MAPK10: variants seen among roughly 807,000 people sequenced by gnomAD.
The protein encoded by MAPK10 is JNK3 alpha protein kinase.
Under a neutral mutation model 59.3 loss-of-function variants are expected in MAPK10, and 25 were observed. That is an observed-to-expected ratio of 0.42 (90% CI 0.31 to 0.59). MAPK10 has a LOEUF of 0.59. MAPK10 is among the 20% of genes least tolerant of loss of function. The probability of loss-of-function intolerance (pLI) is 0.15; values close to 1 mark genes in which losing one functional copy is unlikely to be tolerated. For synonymous variants in MAPK10, 190 were observed against 200.5 expected, an observed-to-expected ratio of 0.95 and a Z score of 0.44; for missense variants, 351 against 568.9, an observed-to-expected ratio of 0.62 and a Z score of 3.90.
chr4:86,264,383 C>T (rs1281676485), intron 2 of MAPK10, among the ~76,000 whole-genome samples: 1 of 152,194 alleles, frequency 6.6e-6, no homozygotes, highest in Non-Finnish European at 1.5e-5. Context: ...TTTCACACCA[C>T]CCAAGAACAA....
intron 1 of MAPK10, among the ~76,000 whole-genome samples, chr4:86,377,870 A>G (rs35257599): frequency 0.7 from 106,374 of 151,896 alleles, 38,728 homozygotes; most frequent in South Asian, 0.9. Flanking sequence ...CACAAGAGAA[A>G]GATACAGGAT....
chr4:86,526,483 T>C (rs147064363), intron 1 of MAPK10, among the ~76,000 whole-genome samples: 39 of 152,306 alleles, frequency 2.6e-4, no homozygotes, highest in African/African-American at 9.1e-4. Flanking sequence ...TAATTAGTGG[T>C]CTATTGATTC....
At chr4:86,503,272 T>C (rs1755466398) in intron 1 of MAPK10, among the ~76,000 whole-genome samples, 1 of 152,138 alleles carries the variant, frequency 6.6e-6, no homozygotes, top group African/African-American at 2.4e-5. Flanking sequence ...GTTGCCTAGT[T>C]CTTCCAGTTC....
At chr4:86,145,567 C>T (rs538947285) in intron 4 of MAPK10, among the ~76,000 whole-genome samples, 23 of 152,218 alleles carry the variant, frequency 1.5e-4, no homozygotes, top group Non-Finnish European at 2.8e-4. Context: ...TGTTCTCTAA[C>T]AATTATTTTT....
At chr4:86,360,505 C>T (rs1736731929), upstream of MAPK10, among the ~76,000 whole-genome samples, 1 of 152,116 alleles carries the variant, frequency 6.6e-6, no homozygotes, top group Admixed American at 6.6e-5. Context: ...TCGCCTGAAC[C>T]CCGAGGTCAT....
intron 1 of MAPK10, among the ~76,000 whole-genome samples, chr4:86,373,368 A>G (rs992008438): frequency 6.6e-6 from 1 of 152,226 alleles, no homozygotes; most frequent in Non-Finnish European, 1.5e-5. Context: ...TCATGACTAA[A>G]ACACCAAAAG....
At chr4:86,225,283 T>C (rs185708418) in intron 2 of MAPK10, among the ~76,000 whole-genome samples, 1 of 152,290 alleles carries the variant, frequency 6.6e-6, no homozygotes, top group Non-Finnish European at 1.5e-5. Context: ...GAATACCTGC[T>C]TTCCTCCTGG....
intron 11 of MAPK10, among the ~76,000 whole-genome samples, chr4:86,040,250 A>T (rs1028537332): frequency 1.3e-5 from 2 of 152,236 alleles, no homozygotes; most frequent in Non-Finnish European, 2.9e-5. Flanking sequence ...CAAAAAAATT[A>T]CAGGGAAACA....
chr4:86,426,241 T>C (rs1326123907), intron 1 of MAPK10, among the ~76,000 whole-genome samples: 1 of 152,240 alleles, frequency 6.6e-6, no homozygotes. Flanking sequence ...AATGTTATTT[T>C]TATTATAATC....
chr4:86,532,726 CTTTTCTGAATCTCCAATGACCTCCA>C (rs1386262893), intron 1 of MAPK10, among the ~76,000 whole-genome samples: 1 of 152,186 alleles, frequency 6.6e-6, no homozygotes, highest in Non-Finnish European at 1.5e-5. Context: ...TTTCCCTCCA[CTTTTCTGAATCTCCAATGACCTCCA>C]TAAGCACTAC....
At chr4:86,086,305 G>A (rs906066985) in intron 9 of MAPK10, among the ~76,000 whole-genome samples, 3 of 152,086 alleles carry the variant, frequency 2.0e-5, no homozygotes, top group Non-Finnish European at 4.4e-5. Flanking sequence ...AAAATAAAAA[G>A]TTAGAAAGAA....
intron 1 of MAPK10, among the ~76,000 whole-genome samples, chr4:86,548,554 T>G (rs1759470973): frequency 6.6e-6 from 1 of 152,168 alleles, no homozygotes; most frequent in African/African-American, 2.4e-5. Context: ...GATCATTGGG[T>G]TGGTTTCTAA....
At chr4:86,469,209 C>A (rs1000640814) in intron 1 of MAPK10, among the ~76,000 whole-genome samples, 2 of 152,110 alleles carry the variant, frequency 1.3e-5, no homozygotes, top group Non-Finnish European at 2.9e-5. Context: ...GATCGCACCA[C>A]TGCACTCCAG....
At chr4:86,576,798 T>C (rs984434447) in intron 1 of MAPK10, among the ~76,000 whole-genome samples, 28 of 151,548 alleles carry the variant, frequency 1.8e-4, no homozygotes, top group African/African-American at 6.3e-4. Context: ...AAAAAACCTA[T>C]AATTGGTTAA....
chr4:86,043,085 G>A (rs1443840172), intron 11 of MAPK10, among the ~76,000 whole-genome samples: 1 of 152,114 alleles, frequency 6.6e-6, no homozygotes, highest in Non-Finnish European at 1.5e-5. Flanking sequence ...CAATTCCAGT[G>A]ACTGTTAGAT....
chr4:86,089,561 G>A (rs1273272986), intron 9 of MAPK10: 2 of 282,208 alleles, frequency 7.1e-6, no homozygotes, highest in East Asian at 6.5e-5. Flanking sequence ...TTTAGGTTTT[G>A]ATTTAAAAGG....
chr4:86,299,955 C>T (rs775876576), intron 2 of MAPK10, among the ~76,000 whole-genome samples: 3 of 152,004 alleles, frequency 2.0e-5, no homozygotes, highest in South Asian at 2.1e-4. Flanking sequence ...TCCAATGGTG[C>T]AATCTCTGCT....
At chr4:86,300,299 AATG>A (rs1358505168) in intron 2 of MAPK10, among the ~76,000 whole-genome samples, 6 of 152,200 alleles carry the variant, frequency 3.9e-5, no homozygotes, top group Admixed American at 3.9e-4. Context: ...ATCATTAACA[AATG>A]ATGATCAGTA....
At chr4:86,134,994 G>A (rs752767464) in intron 4 of MAPK10, among the ~76,000 whole-genome samples, 2 of 152,156 alleles carry the variant, frequency 1.3e-5, no homozygotes, top group South Asian at 2.1e-4. Context: ...AAAAAACGGC[G>A]CACCACGAGA....
Sources: allele counts gnomAD v4.1 joint callset (sites outside exome capture counted in the v4.1 genomes callset), GRCh38; gene constraint gnomAD v4.1.1; transcripts MANE v1.5; gene names NCBI Gene and HGNC (gene_info 2026-07-23, HGNC 2026-07-21).